The following FREM3 variants were observed in gnomAD, a reference collection of about 807,000 sequenced individuals.
FREM3 encodes FRAS1 related extracellular matrix 3, also known as FRAS1-related extracellular matrix protein 3.
Under a neutral mutation model 129.1 loss-of-function variants are expected in FREM3, and 105 were observed. The observed-to-expected ratio is 0.81, with a 90% CI of 0.69 to 0.96. The LOEUF (loss-of-function observed/expected upper bound fraction) is 0.96. Among genes scored for constraint, FREM3 ranks in the 40% least tolerant of loss-of-function variants. The probability of loss-of-function intolerance (pLI) is 0.00; values close to 1 mark genes in which losing one functional copy is unlikely to be tolerated. For synonymous variants in FREM3, 1,014 were observed against 1,044.9 expected (o/e 0.97, Z 0.57); for missense variants, 2,593 against 2,666.3 (o/e 0.97, Z 0.61).
Position 143,624,317 on chromosome 4 carries a change from GT to G in FREM3, c.5443del (p.Thr1815LeufsTer29). 6.5e-7 allele frequency: 1 copy of G among 1,536,258 alleles called. No individual in the cohort carries two copies. Among genetic ancestry groups the G allele is most frequent in the Non-Finnish European group, 8.7e-7 (1 of 1,146,188 alleles). ...TTTGAAATCTTTGTCTTTTTTTGCA[GT>G]TTCATCTTTGGTACCAATGCCTGAA... ...SFISIGTKDE[T>X]AKKDKDFKWK... On this transcript the variant is annotated frameshift_variant, in exon 4 of 8. Transcript: ENST00000329798. LOFTEE classifies it high-confidence loss of function.
chr4:143,652,912 A>G (rs1473511033), intron 2 of FREM3, among the ~76,000 whole-genome samples: 1 of 152,244 alleles, frequency 6.6e-6, no homozygotes, highest in Non-Finnish European at 1.5e-5. Flanking sequence ...TATAGGCATG[A>G]GCCACCACAC....
intron 4 of FREM3, among the ~76,000 whole-genome samples, chr4:143,622,202 T>C (rs1362617289): frequency 6.6e-6 from 1 of 151,384 alleles, no homozygotes; most frequent in Admixed American, 6.6e-5. Flanking sequence ...CAAGCAACTC[T>C]CGTGCCTCAG....
At chr4:143,641,012 A>G (rs982935256) in intron 2 of FREM3, among the ~76,000 whole-genome samples, 3 of 152,164 alleles carry the variant, frequency 2.0e-5, no homozygotes, top group Admixed American at 2.0e-4. Flanking sequence ...ATAAAAACAA[A>G]TATTTCCTGA....
chr4:143,649,689 C>T (rs1159467620), intron 2 of FREM3, among the ~76,000 whole-genome samples: 2 of 152,030 alleles, frequency 1.3e-5, no homozygotes, highest in Admixed American at 6.6e-5. Flanking sequence ...TTTTTCTCAC[C>T]TTGTCTGTCA....
At chr4:143,618,068 C>T (rs190370338) in intron 5 of FREM3, among the ~76,000 whole-genome samples, 8 of 152,180 alleles carry the variant, frequency 5.3e-5, no homozygotes, top group African/African-American at 9.6e-5. Flanking sequence ...GTAATTGCTA[C>T]GCTAGAAAAA....
Position 143,699,290 on chromosome 4 carries a change from T to G in FREM3, c.1386A>C (p.Lys462Asn), listed in dbSNP as rs75092799. 1,115 of 1,537,370 alleles carry G rather than the reference T, an allele frequency of 7.3e-4. 8 individuals carry two copies. In the African/African-American group the frequency reaches 0.014, roughly 19 times the overall value. The change falls in exon 1 of 8, where the codon AAA becomes AAC. Residue 462 changes from lysine (K) to asparagine (N), a missense_variant. Around this residue, in one of 2 missense-constraint regions of FREM3, gnomAD observed 2,276 missense variants for 2,267.2 expected, o/e 1.00. Transcript: ENST00000329798. This position sits in a 1 kb window ranked among gnomAD's most constrained non-coding sequence, Gnocchi z 4.2. The part of the protein sequence containing the change: ...SSTHSIPISD[K>N]DNLEEVKMAA... ...CCATTTTCACCTCTTCCAGGTTATC[T>G]TTATCACTGATAGGAATGCTGTGGG...
At chr4:143,607,321 C>G (rs752800334) in intron 6 of FREM3, among the ~76,000 whole-genome samples, 24 of 152,152 alleles carry the variant, frequency 1.6e-4, no homozygotes, top group Non-Finnish European at 3.4e-4. Flanking sequence ...TCTCTATCCT[C>G]AAGTTCCACC....
At chr4:143,676,560 T>G (rs142752114) in intron 2 of FREM3, among the ~76,000 whole-genome samples, 7 of 151,958 alleles carry the variant, frequency 4.6e-5, no homozygotes, top group Non-Finnish European at 8.8e-5. Flanking sequence ...GGCAGGAGAA[T>G]GAAATAAAGG....
intron 2 of FREM3, among the ~76,000 whole-genome samples, chr4:143,668,136 T>G (rs978484492): frequency 2.0e-5 from 3 of 152,174 alleles, no homozygotes; most frequent in Non-Finnish European, 2.9e-5. Flanking sequence ...AAGGCATAAG[T>G]AATGTAAATA....
chr4:143,696,054 G>A lies in FREM3; in HGVS notation c.4622C>T (p.Thr1541Ile). ...TDVDNKKPIL[T>I]IHRLTLQKED... ...TTTCTGTAGTGTTAGTCTATGGATG[G>A]TCAAGATAGGTTTCTTATTATCCAC... The change falls in exon 1 of 8, where the codon ACC becomes ATC. Residue 1541 changes from threonine to isoleucine, a missense_variant. This residue lies in a region of FREM3 where 2,276 missense variants were observed against 2,267.2 expected (regional missense o/e 1.00). Coordinates refer to ENST00000329798, the MANE Select transcript of FREM3 (RefSeq NM_001168235.2). 1.3e-6 allele frequency: 2 copies of A among 1,537,678 alleles called. No individual in the cohort carries two copies. The highest frequency in any genetic ancestry group is 1.4e-5 in the African/African-American group (1 of 73,162).
chr4:143,661,131 G>A (rs1739711317), intron 2 of FREM3, among the ~76,000 whole-genome samples: 1 of 152,182 alleles, frequency 6.6e-6, no homozygotes, highest in African/African-American at 2.4e-5. Flanking sequence ...TTGAATAGGA[G>A]TGGTGAGAGA....
chr4:143,681,364 A>G (rs748162160), intron 2 of FREM3, among the ~76,000 whole-genome samples: 1 of 152,114 alleles, frequency 6.6e-6, no homozygotes, highest in African/African-American at 2.4e-5. Flanking sequence ...TTAGTGTTAT[A>G]TATAGTAGAG....
At chr4:143,614,038 A>G (rs1447161655) in intron 5 of FREM3, among the ~76,000 whole-genome samples, 1 of 152,108 alleles carries the variant, frequency 6.6e-6, no homozygotes, top group Non-Finnish European at 1.5e-5. Context: ...TATGACATTC[A>G]AGTAGGTTGA....
intron 7 of FREM3, among the ~76,000 whole-genome samples, chr4:143,584,438 T>A (rs1330890114): frequency 9.5e-5 from 13 of 136,874 alleles, no homozygotes; most frequent in African/African-American, 2.7e-4. Context: ...AAAAAAAAAA[T>A]CTACCAAACA....
At chr4:143,584,018 G>A (rs570737311) in intron 7 of FREM3, among the ~76,000 whole-genome samples, 41 of 152,352 alleles carry the variant, frequency 2.7e-4, no homozygotes, top group Admixed American at 1.1e-3. Flanking sequence ...AGAGTTGCAA[G>A]TTAGATAAAG....
Position 143,585,368 on chromosome 4 carries a change from T to C in FREM3, c.6178+476A>G, listed in dbSNP as rs1738220790. 6.6e-6 allele frequency among the ~76,000 whole-genome samples: 1 copy of C among 152,214 alleles called. No individual in the cohort carries two copies. Among genetic ancestry groups the C allele is most frequent in the South Asian group, 2.1e-4 (1 of 4,832 alleles). On this transcript the variant is annotated intron_variant, in intron 7 of 7. Coordinates refer to ENST00000329798, the MANE Select transcript of FREM3 (RefSeq NM_001168235.2). This position sits in a 1 kb window ranked among gnomAD's most constrained non-coding sequence, Gnocchi z 4.2. ...ATTGTGCCATGCTGTCAGCTAGGCC[T>C]TGATCATCCATGTCAGGAAATGCAA...
At chr4:143,580,251 C>A (rs1738107600) in intron 7 of FREM3, among the ~76,000 whole-genome samples, 1 of 152,136 alleles carries the variant, frequency 6.6e-6, no homozygotes, top group Non-Finnish European at 1.5e-5. Context: ...ATCAAGGAAG[C>A]AACATGACCC....
intron 2 of FREM3, among the ~76,000 whole-genome samples, chr4:143,656,720 C>T (rs1739607573): frequency 6.6e-6 from 1 of 152,126 alleles, no homozygotes; most frequent in East Asian, 1.9e-4. Context: ...ATAAACTGTT[C>T]TACAATTAGA....
At chr4:143,694,207 G>A (rs1449492193) in intron 1 of FREM3, among the ~76,000 whole-genome samples, 2 of 152,184 alleles carry the variant, frequency 1.3e-5, no homozygotes, top group African/African-American at 4.8e-5. Flanking sequence ...TTCTCTGGGT[G>A]CTGAAGCCCA....
Sources: gnomAD v4.1 joint callset for allele counts (sites outside exome capture counted in the v4.1 genomes callset) on GRCh38, gnomAD v4.1.1 for gene constraint, gnomAD v4.1.1 regional missense constraint, Gnocchi (gnomAD v3.1) non-coding constraint, MANE v1.5 for transcripts, NCBI Gene and HGNC (gene_info 2026-07-23, HGNC 2026-07-21) for gene names.